Variants in NCOR1 observed in about 807,000 individuals in gnomAD.
The protein encoded by NCOR1 is protein phosphatase 1, regulatory subunit 109.
A neutral mutation model predicts 288.1 loss-of-function variants in NCOR1; 63 were observed. The observed-to-expected ratio is 0.22, with a 90% CI of 0.18 to 0.27. NCOR1 has a LOEUF of 0.27. Among genes scored for constraint, NCOR1 ranks in the 10% least tolerant of loss-of-function variants. NCOR1 has a pLI of 1.00. For missense variants in NCOR1, 2,397 were observed against 3,019.2 expected (o/e 0.79, Z 4.83); for synonymous variants, 1,007 against 1,065.9 (o/e 0.94, Z 1.08).
intron 4 of NCOR1, among the ~76,000 whole-genome samples, chr17:16,170,166 A>G (rs2082863061): frequency 1.3e-5 from 2 of 149,338 alleles, no homozygotes; most frequent in Non-Finnish European, 3.0e-5. Context: ...GAACTATTTG[A>G]AAATAAATTG....
At position 16,031,313 on chromosome 17, in the gene NCOR1, TC is replaced by T. The variant is rs1333874572; in HGVS notation, c.*982del. ...GATCATTATCTTTTAACCCAACCAA[TC>T]ATATATTCAAACTAAGGGAAAAATA... is the stretch of plus-strand genomic sequence containing the variant. On this transcript the variant is annotated 3_prime_UTR_variant, in exon 46 of 46. Coordinates refer to ENST00000268712, the MANE Select transcript of NCOR1 (RefSeq NM_006311.4). 5.2e-6 allele frequency: 1 copy of T among 190,938 alleles called. No individual in the cohort carries two copies. The highest frequency in any genetic ancestry group is 1.1e-5 in the Non-Finnish European group (1 of 91,170). 11.8% of individuals were successfully genotyped at this position (190,938 alleles called of 1,614,324 possible). A position where few individuals can be genotyped will look rare whatever the true frequency, so the allele number is the denominator to read the frequency against.
intron 18 of NCOR1, among the ~76,000 whole-genome samples, chr17:16,115,289 T>C (rs1039180305): frequency 6.6e-6 from 1 of 152,140 alleles, no homozygotes; most frequent in African/African-American, 2.4e-5. Flanking sequence ...CCTCCAGGCC[T>C]ATGATGGAAA....
At chr17:16,208,206 ATTTTTTTTTTTT>A (rs757019446) in intron 1 of NCOR1, among the ~76,000 whole-genome samples, 1 of 65,552 alleles carries the variant, frequency 1.5e-5, no homozygotes, top group African/African-American at 6.1e-5. Flanking sequence ...ATGCCCAGCT[ATTTTTTTTTTTT>A]TTTTTTTTTT....
chr17:16,082,430 G>A lies in NCOR1; in HGVS notation c.3178-1703C>T, dbSNP rs182967145. Among the ~76,000 whole-genome samples, 430 of 152,246 alleles carry A rather than the reference G, an allele frequency of 2.8e-3. 3 individuals carry two copies. The highest frequency in any genetic ancestry group is 9.6e-3 in the African/African-American group (397 of 41,552). Reference sequence around the variant, plus strand: ...TAAAATAAACCATGTCTAAATTAAAGGAGGCCAGGTGCAGTGGCCTGCCTT... The same window carrying A: ...TAAAATAAACCATGTCTAAATTAAAAGAGGCCAGGTGCAGTGGCCTGCCTT... On this transcript the variant is annotated intron_variant, in intron 23 of 45. Transcript: ENST00000268712.
At chr17:16,075,316 T>C (rs1326298565) in intron 27 of NCOR1, among the ~76,000 whole-genome samples, 1 of 152,192 alleles carries the variant, frequency 6.6e-6, no homozygotes, top group Admixed American at 6.5e-5. Context: ...CTATGGGACA[T>C]TTAATATGAG....
intron 32 of NCOR1, among the ~76,000 whole-genome samples, chr17:16,066,651 AAG>A (rs2061158932): frequency 6.6e-6 from 1 of 152,130 alleles, no homozygotes; most frequent in Non-Finnish European, 1.5e-5. Flanking sequence ...CTTCATCTAG[AAG>A]CTAGGTAAGT....
At chr17:16,141,147 G>A (rs1471989661) in intron 11 of NCOR1, among the ~76,000 whole-genome samples, 1 of 152,154 alleles carries the variant, frequency 6.6e-6, no homozygotes, top group African/African-American at 2.4e-5. Context: ...GCACAGTGAA[G>A]CTGGTATGCT....
chr17:16,045,805 C>A (rs1248591296), intron 42 of NCOR1, among the ~76,000 whole-genome samples: 1 of 150,940 alleles, frequency 6.6e-6, no homozygotes, highest in Non-Finnish European at 1.5e-5. Context: ...CACACCCAGA[C>A]AATTTAAAAA....
chr17:16,073,100 C>CTT (rs2061959405), intron 28 of NCOR1, among the ~76,000 whole-genome samples: 1 of 152,206 alleles, frequency 6.6e-6, no homozygotes, highest in South Asian at 2.1e-4. Context: ...TCATAATAAA[C>CTT]TTTACCTTTT....
At chr17:16,166,788 G>C (rs2082106840) in intron 4 of NCOR1, among the ~76,000 whole-genome samples, 1 of 148,588 alleles carries the variant, frequency 6.7e-6, no homozygotes. Context: ...AAGAAAATTT[G>C]TCTTCACATT....
chr17:16,050,976 G>A (rs1006482054), intron 40 of NCOR1, among the ~76,000 whole-genome samples: 1 of 152,192 alleles, frequency 6.6e-6, no homozygotes, highest in East Asian at 1.9e-4. Flanking sequence ...GGGACTACAG[G>A]TGCATGCCAC....
rs1269442432 is a variant in NCOR1, at chr17:16,087,098, C to T, written c.3017-656G>A. The T allele has an allele frequency of 1.3e-5, 15 of 1,122,206 alleles. 1 individual carries two copies. The South Asian group carries it at 1.7e-4, about 13-fold the overall frequency. The allele number at this position is 1,122,206 out of a possible 1,614,324, so 69.5% of individuals were successfully genotyped here. ...ACGTCCTGGAAGAGCAGTTCATTCA[C>T]GAGATTAAACCACCCACGTGGAACA... On this transcript the variant is annotated intron_variant, in intron 22 of 45. Transcript: ENST00000268712.
chr17:16,138,243 G>T, intron 12 of NCOR1, 31 bp from the exon 13 acceptor site: 1 of 1,571,928 alleles, frequency 6.4e-7, no homozygotes, highest in Non-Finnish European at 8.7e-7. Flanking sequence ...AAACACACTT[G>T]CGTACAAATA....
chr17:16,061,613 C>A lies in NCOR1; in HGVS notation c.5669G>T (p.Gly1890Val), dbSNP rs768556634. 1 of 1,614,222 alleles carries A rather than the reference C, an allele frequency of 6.2e-7. No individual in the cohort carries two copies. The highest frequency in any genetic ancestry group is 1.1e-5 in the South Asian group (1 of 91,086). Reference protein sequence around the residue: ...CLYTSSAFPSGKPQPHSSVVY... With the variant: ...CLYTSSAFPSVKPQPHSSVVY... ...TACTGAAGAATGAGGCTGGGGCTTG[C>A]CACTTGGAAAGGCTGAAGAAGTGTA... Residue 1890 changes from glycine to valine, a missense_variant, in exon 37 of 46, where the codon GGC becomes GTC. By Grantham distance (109) the Gly-to-Val change is moderately radical. Coordinates refer to ENST00000268712, the MANE Select transcript of NCOR1 (RefSeq NM_006311.4).
chr17:16,039,877 G>A (rs1047218175), intron 43 of NCOR1: 9 of 479,252 alleles, frequency 1.9e-5, no homozygotes, highest in Non-Finnish European at 3.4e-5. Flanking sequence ...TGCAACCTCC[G>A]CCTCCCAGAT....
intron 26 of NCOR1, among the ~76,000 whole-genome samples, chr17:16,078,580 C>CTT (rs11299070): frequency 6.7e-6 from 1 of 148,202 alleles, no homozygotes; most frequent in African/African-American, 2.5e-5. Context: ...TAAATGGAGA[C>CTT]TTTTTTTTTT....
At chr17:16,086,178 A>G (rs1298990015) in intron 23 of NCOR1, 104 bp downstream of exon 23, 9 of 1,221,306 alleles carry the variant, frequency 7.4e-6, no homozygotes, top group African/African-American at 1.5e-5. Flanking sequence ...ATTCAGACAG[A>G]TTATTATTTA....
intron 2 of NCOR1, among the ~76,000 whole-genome samples, chr17:16,193,062 G>C (rs1447042904): frequency 6.6e-6 from 1 of 152,194 alleles, no homozygotes; most frequent in African/African-American, 2.4e-5. Flanking sequence ...GGGTGCCAAG[G>C]AGGATGGGGT....
intron 14 of NCOR1, among the ~76,000 whole-genome samples, chr17:16,127,720 T>C (rs12939418): frequency 0.41 from 56,404 of 138,382 alleles, 14,306 homozygotes; most frequent in Middle Eastern, 0.56. Context: ...TGTGTATATA[T>C]ACATATATGT....
Sources: allele counts gnomAD v4.1 joint callset (sites outside exome capture counted in the v4.1 genomes callset), GRCh38; gene constraint gnomAD v4.1.1; transcripts MANE v1.5; gene names NCBI Gene and HGNC (gene_info 2026-07-23, HGNC 2026-07-21).